The following CSMD1 variants were observed in gnomAD, a reference collection of about 807,000 sequenced individuals.
The protein encoded by CSMD1 is CUB and Sushi multiple domains 1.
In CSMD1, 213 loss-of-function variants were observed where a neutral mutation model predicts 417.5. The ratio of observed to expected loss-of-function variants is 0.51; its 90% CI spans 0.46 to 0.57. The LOEUF (loss-of-function observed/expected upper bound fraction) is 0.57, where lower values mean the gene tolerates loss of function less well. Ranked by LOEUF, CSMD1 falls within the 20% of genes least tolerant of loss-of-function variation. The pLI is 0.00. For synonymous variants in CSMD1, 2,862 were observed against 1,736.8 expected (o/e 1.65, Z -16.11); for missense variants, 6,923 against 4,529.7 (o/e 1.53, Z -15.17).
intron 5 of CSMD1, among the ~76,000 whole-genome samples, chr8:3,907,153 G>A (rs558929597): frequency 6.6e-6 from 1 of 152,256 alleles, no homozygotes; most frequent in African/African-American, 2.4e-5. Flanking sequence ...GTTACGTTGT[G>A]TATTACTTTA....
intron 3 of CSMD1, among the ~76,000 whole-genome samples, chr8:4,170,459 C>G (rs1797708440): frequency 6.6e-6 from 1 of 151,852 alleles, no homozygotes; most frequent in African/African-American, 2.4e-5. Flanking sequence ...TTTTCCTAAT[C>G]TATAGGTGCC....
intron 2 of CSMD1, among the ~76,000 whole-genome samples, chr8:4,568,838 T>G (rs765520027): frequency 2.0e-5 from 3 of 152,210 alleles, no homozygotes; most frequent in Admixed American, 6.5e-5. Flanking sequence ...TGGTATCTCA[T>G]AGTGGTTTTG....
rs144868558 is a variant in CSMD1, at chr8:4,110,852, C to A, written c.416-78753G>T. The stretch of plus-strand genomic sequence containing the variant: ...CTACTTTTTTTAAGGAAATCAGAGA[C>A]TTTTTTCCTTGAAGAGTACTGAAAT... On this transcript the variant is annotated intron_variant, in intron 3 of 69. Transcript: ENST00000635120. Among the ~76,000 whole-genome samples, 613 of 152,082 alleles carry A rather than the reference C, an allele frequency of 4.0e-3. 3 individuals carry two copies. Among genetic ancestry groups the A allele is most frequent in the African/African-American group, 0.014 (583 of 41,500 alleles).
At chr8:4,465,605 GA>G (rs1800118503) in intron 2 of CSMD1, among the ~76,000 whole-genome samples, 1 of 152,170 alleles carries the variant, frequency 6.6e-6, no homozygotes, top group South Asian at 2.1e-4. Flanking sequence ...GTCAGACGTT[GA>G]GGATTATTAA....
intron 12 of CSMD1, among the ~76,000 whole-genome samples, chr8:3,425,972 G>C (rs1300480003): frequency 2.0e-5 from 3 of 152,078 alleles, no homozygotes; most frequent in Non-Finnish European, 4.4e-5. Flanking sequence ...CAAGTAAAAT[G>C]TGTCTCTGTG....
intron 3 of CSMD1, among the ~76,000 whole-genome samples, chr8:4,199,630 T>G (rs1006588400): frequency 1.3e-5 from 2 of 152,160 alleles, no homozygotes; most frequent in Non-Finnish European, 2.9e-5. Flanking sequence ...TTGCTTTGCA[T>G]AAATAAAGAC....
intron 3 of CSMD1, among the ~76,000 whole-genome samples, chr8:4,232,385 G>C (rs952265804): frequency 2.0e-5 from 3 of 152,108 alleles, no homozygotes; most frequent in African/African-American, 7.2e-5. Context: ...TCTTAGTAGA[G>C]ACGGGGTTTC....
chr8:4,600,280 T>A (rs1328050173), intron 2 of CSMD1, among the ~76,000 whole-genome samples: 3 of 152,176 alleles, frequency 2.0e-5, no homozygotes, highest in Non-Finnish European at 4.4e-5. Context: ...GACTTCCAGG[T>A]TGACCTTAGG....
chr8:4,814,544 G>C (rs1179998976), intron 1 of CSMD1, among the ~76,000 whole-genome samples: 3 of 152,172 alleles, frequency 2.0e-5, no homozygotes, highest in Admixed American at 1.3e-4. Flanking sequence ...AATAATAATA[G>C]ATTAATTATA....
chr8:4,463,668 T>C (rs540600310), intron 2 of CSMD1, among the ~76,000 whole-genome samples: 3 of 152,284 alleles, frequency 2.0e-5, no homozygotes, highest in Non-Finnish European at 4.4e-5. Context: ...TTTTGTACCA[T>C]TGCACTTACA....
chr8:4,544,347 C>T (rs1797542214), intron 2 of CSMD1, among the ~76,000 whole-genome samples: 1 of 151,816 alleles, frequency 6.6e-6, no homozygotes, highest in Non-Finnish European at 1.5e-5. Context: ...GGTAGATGTC[C>T]AGTTGTTATT....
rs185737545 is a variant in CSMD1 at position 3,727,227 on chromosome 8, G to C, written c.932-18736C>G. ...TGTGTTTATTTTCAAAGTTGCGTTTGACAATTATCACAAGAGGAAAACTAA... is the reference window on the plus strand; with the variant it reads ...TGTGTTTATTTTCAAAGTTGCGTTTCACAATTATCACAAGAGGAAAACTAA... On this transcript the variant is annotated intron_variant, in intron 6 of 69. Coordinates refer to ENST00000635120, the MANE Select transcript of CSMD1 (RefSeq NM_033225.6). 1.5e-4 allele frequency among the ~76,000 whole-genome samples: 23 copies of C among 152,284 alleles called. No homozygotes were observed. In the East Asian group the frequency reaches 4.2e-3, roughly 28 times the overall value.
At chr8:3,269,673 T>G (rs533138432) in intron 26 of CSMD1, among the ~76,000 whole-genome samples, 5 of 152,312 alleles carry the variant, frequency 3.3e-5, no homozygotes, top group Non-Finnish European at 5.9e-5. Flanking sequence ...AGCGTTTATT[T>G]AACCCCCAGA....
chr8:4,108,231 T>G (rs1270427369), intron 3 of CSMD1, among the ~76,000 whole-genome samples: 1 of 152,166 alleles, frequency 6.6e-6, no homozygotes, highest in Non-Finnish European at 1.5e-5. Flanking sequence ...TTCGTAAACA[T>G]TTAATATTTA....
At chr8:3,573,924 T>G (rs1268657336) in intron 10 of CSMD1, among the ~76,000 whole-genome samples, 3 of 152,120 alleles carry the variant, frequency 2.0e-5, no homozygotes, top group African/African-American at 7.2e-5. Context: ...TCTACCTTAT[T>G]TTTTCTTCCT....
At chr8:4,418,319 G>C (rs1303320564) in intron 3 of CSMD1, among the ~76,000 whole-genome samples, 2 of 152,030 alleles carry the variant, frequency 1.3e-5, no homozygotes, top group African/African-American at 2.4e-5. Context: ...GAGTAACAAA[G>C]AAATATTTTT....
chr8:3,706,721 C>T (rs968012939), intron 7 of CSMD1, among the ~76,000 whole-genome samples: 1 of 151,976 alleles, frequency 6.6e-6, no homozygotes, highest in African/African-American at 2.4e-5. Context: ...TGTGGTTCTA[C>T]ATTGAACTTT....
chr8:3,183,172 G>T (rs1821527071), intron 36 of CSMD1: 1 of 133,874 alleles, frequency 7.5e-6, no homozygotes, highest in South Asian at 2.3e-4. Context: ...ACATCGAGTA[G>T]GTCTCTAACG....
At chr8:4,095,774 C>G (rs886507214) in intron 3 of CSMD1, among the ~76,000 whole-genome samples, 3 of 152,150 alleles carry the variant, frequency 2.0e-5, no homozygotes, top group Non-Finnish European at 4.4e-5. Context: ...TACGTGAATT[C>G]AGTTCTAAGG....
Sources: gnomAD v4.1 joint callset for allele counts (sites outside exome capture counted in the v4.1 genomes callset) on GRCh38, gnomAD v4.1.1 for gene constraint, MANE v1.5 for transcripts, NCBI Gene and HGNC (gene_info 2026-07-23, HGNC 2026-07-21) for gene names.